The following PLXNB1 variants were observed in gnomAD, a reference collection of about 807,000 sequenced individuals.
The protein encoded by PLXNB1 is plexin-B1.
In PLXNB1, 106 loss-of-function variants were observed where a neutral mutation model predicts 209.4. The observed-to-expected ratio is 0.51, with a 90% CI of 0.43 to 0.59. The LOEUF (loss-of-function observed/expected upper bound fraction) is 0.59. PLXNB1 is among the 20% of genes least tolerant of loss of function. The pLI, the probability that PLXNB1 is intolerant of heterozygous loss-of-function variation, is 0.00. For missense variants in PLXNB1, 2,357 were observed against 2,853.2 expected, an observed-to-expected ratio of 0.83 and a Z score of 3.96; for synonymous variants, 1,167 against 1,183.2, an observed-to-expected ratio of 0.99 and a Z score of 0.28.
In PLXNB1 at chr3:48,420,252, C is replaced by G; in HGVS notation, c.2034G>C (p.Pro678=). Residue 678 remains proline (P), a synonymous_variant, in exon 11 of 38, where the codon CCG becomes CCC. Transcript: ENST00000296440. The part of the protein sequence containing the change: ...AGPMVASHQS[P]LVSPDPPARG... Reference sequence around the variant, plus strand: ...TTGCAGGAGGGTCTGGGGAGACAAGCGGGCTCTGAAGGGGGAGGCAGAGGA... The same window carrying G: ...TTGCAGGAGGGTCTGGGGAGACAAGGGGGCTCTGAAGGGGGAGGCAGAGGA... 1 of 1,540,410 alleles carries G rather than the reference C, an allele frequency of 6.5e-7. No individual in the cohort carries two copies. Among genetic ancestry groups the G allele is most frequent in the Non-Finnish European group, 8.8e-7 (1 of 1,142,374 alleles).
intron 10 of PLXNB1, 130 bp from the exon 11 acceptor site, chr3:48,420,387 A>G (rs2038428418): frequency 1.5e-6 from 1 of 659,248 alleles, no homozygotes; most frequent in Non-Finnish European, 2.6e-6. Context: ...CAGCCCATTA[A>G]TTCTCCACTG....
chr3:48,422,258 C>G, intron 5 of PLXNB1, 53 bp from the exon 6 acceptor site: 1 of 1,611,588 alleles, frequency 6.2e-7, no homozygotes, highest in East Asian at 2.2e-5. Flanking sequence ...AGTGGCTCAC[C>G]CACAAGTGGG....
chr3:48,418,796 C>A lies in PLXNB1; in HGVS notation c.2955+121G>T, dbSNP rs2038281374. The A allele has an allele frequency of 7.7e-7, 1 of 1,292,296 alleles. No homozygotes were observed. The highest frequency in any genetic ancestry group is 2.3e-5 in the East Asian group (1 of 43,144). The allele number at this position is 1,292,296 out of a possible 1,614,324, so 80.1% of individuals were successfully genotyped here. ...GAGGTCAGAAATGGGTGTGGAGACT[C>A]CCTCAGGGCGACACGGTCAGAGCGT... On this transcript the variant is annotated intron_variant, in intron 13 of 37. Coordinates refer to ENST00000296440, the MANE Select transcript of PLXNB1 (RefSeq NM_001130082.3). This position sits in a 1 kb window ranked among gnomAD's most constrained non-coding sequence, Gnocchi z 6.6.
rs3217706 is a variant in PLXNB1, at chr3:48,409,299, T to TCC, written c.6087+28_6087+29dup. 3.1e-6 allele frequency: 5 copies of TCC among 1,609,924 alleles called. No homozygotes were observed. The highest frequency in any genetic ancestry group is 8.5e-7 in the Non-Finnish European group (1 of 1,177,716). On this transcript the variant is annotated intron_variant, in intron 34 of 37. Transcript: ENST00000296440. This position sits in a 1 kb window ranked among gnomAD's most constrained non-coding sequence, Gnocchi z 5.8. ...ACACAGCACTGTCCACCCTCACCCA[T>TCC]CCCCCCGTGTCCATCCCAGACTCGC...
chr3:48,416,409 G>T lies in PLXNB1; in HGVS notation c.3417C>A (p.Gly1139=). ...TTCCCGGCACCTCCACCGCTGTGGC[G>T]CCGGCCACCTCCTCCCCACTGGCCC... ...ITGASGEEVA[G]ATAVEVPGRG... The change falls in exon 17 of 38, where the codon GGC becomes GGA. Residue 1139 remains glycine (G), a synonymous_variant. Transcript: ENST00000296440. The surrounding 1 kb of genome is among the most constrained non-coding windows in gnomAD (Gnocchi z 4.1). 1.2e-6 allele frequency: 2 copies of T among 1,613,140 alleles called. No homozygotes were observed. The highest frequency in any genetic ancestry group is 1.7e-6 in the Non-Finnish European group (2 of 1,179,892).
At position 48,413,195 on chromosome 3, in the gene PLXNB1, G is replaced by A; in HGVS notation, c.4536-26C>T. 6.4e-7 allele frequency: 1 copy of A among 1,559,882 alleles called. No individual in the cohort carries two copies. Among genetic ancestry groups the A allele is most frequent in the Non-Finnish European group, 8.8e-7 (1 of 1,137,360 alleles). On this transcript the variant is annotated intron_variant, in intron 23 of 37. Coordinates refer to ENST00000296440, the MANE Select transcript of PLXNB1 (RefSeq NM_001130082.3). The surrounding 1 kb of genome is among the most constrained non-coding windows in gnomAD (Gnocchi z 5.4). ...CTGCTCAGCCCCAGGGTCAGGAGAG[G>A]ATGGCCAGATGAGTCCTACTCGCCC...
At position 48,413,640 on chromosome 3, in the gene PLXNB1, C is replaced by A. The variant is rs2037853022; in HGVS notation, c.4535+30G>T. The A allele has an allele frequency of 3.2e-6, 5 of 1,585,232 alleles. No homozygotes were observed. Among genetic ancestry groups the A allele is most frequent in the Non-Finnish European group, 4.3e-6 (5 of 1,160,656 alleles). On this transcript the variant is annotated intron_variant, in intron 23 of 37. Coordinates refer to ENST00000296440, the MANE Select transcript of PLXNB1 (RefSeq NM_001130082.3). This position sits in a 1 kb window ranked among gnomAD's most constrained non-coding sequence, Gnocchi z 5.4. ...AGTCCAGCCAGATCCCACGACCTGC[C>A]CCAGCCCAGCCACATCTGGCTGCAC...
Position 48,413,515 on chromosome 3 carries a change from T to C in PLXNB1, c.4535+155A>G. 1 of 753,216 alleles carries C rather than the reference T, an allele frequency of 1.3e-6. No homozygotes were observed. Among genetic ancestry groups the C allele is most frequent in the Non-Finnish European group, 2.1e-6 (1 of 477,400 alleles). 46.7% of individuals were successfully genotyped at this position (753,216 alleles called of 1,614,324 possible). On this transcript the variant is annotated intron_variant, in intron 23 of 37. Coordinates refer to ENST00000296440, the MANE Select transcript of PLXNB1 (RefSeq NM_001130082.3). This position sits in a 1 kb window ranked among gnomAD's most constrained non-coding sequence, Gnocchi z 5.4. ...TTTGTGCCACAGTGGCAAAGCTGAG[T>C]TGTTGAACAGAGACCACTTGGCCTG...
chr3:48,422,583 A>T lies in PLXNB1; in HGVS notation c.1291-124T>A, dbSNP rs139663891. On this transcript the variant is annotated intron_variant, in intron 4 of 37. Coordinates refer to ENST00000296440, the MANE Select transcript of PLXNB1 (RefSeq NM_001130082.3). ...TTCCTCCTAGGCAGTCACAGGTCAT[A>T]CCAACTGGCCTAGCGGGGATGGAGG... The T allele has an allele frequency of 3.8e-6, 5 of 1,320,052 alleles. No homozygotes were observed. The East Asian group carries it at 7.6e-5, about 20-fold the overall frequency. 81.8% of individuals were successfully genotyped at this position (1,320,052 alleles called of 1,614,324 possible). A position where few individuals can be genotyped will look rare whatever the true frequency, so the allele number is the denominator to read the frequency against.
In PLXNB1 at chr3:48,417,315, G is replaced by A. The variant is rs1316503292; in HGVS notation, c.3374+596C>T. On this transcript the variant is annotated intron_variant, in intron 16 of 37. Transcript: ENST00000296440. The surrounding 1 kb of genome is among the most constrained non-coding windows in gnomAD (Gnocchi z 4.4). ...GCAGGTTACCCTGATATTCAGCCAC[G>A]TTTGGGCCCTGCTGCTTATGGACAT... is the stretch of plus-strand genomic sequence containing the variant. Among the ~76,000 whole-genome samples, 8 of 152,224 alleles carry A rather than the reference G, an allele frequency of 5.3e-5. No homozygotes were observed. Among genetic ancestry groups the A allele is most frequent in the Non-Finnish European group, 2.9e-5 (2 of 68,050 alleles).
Position 48,413,845 on chromosome 3 carries a change from G to A in PLXNB1, c.4387-27C>T. ...TGTGTCAGGAGCCACCTGTGAGCAA[G>A]GGTTTGGCCCAGGTCAATGCCCAGC... On this transcript the variant is annotated intron_variant, in intron 22 of 37. Coordinates refer to ENST00000296440, the MANE Select transcript of PLXNB1 (RefSeq NM_001130082.3). The surrounding 1 kb of genome is among the most constrained non-coding windows in gnomAD (Gnocchi z 5.4). The A allele has an allele frequency of 6.2e-7, 1 of 1,610,700 alleles. No homozygotes were observed.
At position 48,415,031 on chromosome 3, in the gene PLXNB1, G is replaced by A. The variant is rs149155498; in HGVS notation, c.3977C>T (p.Pro1326Leu). The A allele has an allele frequency of 1.2e-4, 189 of 1,612,840 alleles. 2 individuals are homozygous for A. In the African/African-American group the frequency reaches 2.2e-3, roughly 19 times the overall value. The change falls in exon 21 of 38, where the codon CCG becomes CTG. Residue 1326 changes from proline (P) to leucine (L), a missense_variant. This residue lies in a region of PLXNB1 where 743 missense variants were observed against 896.2 expected (regional missense o/e 0.83). Transcript: ENST00000296440. This position sits in a 1 kb window ranked among gnomAD's most constrained non-coding sequence, Gnocchi z 5.0. ...GAGCTGGGAGGAGTTGACATGGCAC[G>A]GCTCCTCAAACTGGAAGGAAGACAG... Reference protein sequence around the residue: ...PSCSSQQFEEPCHVNSSQLIT... With the variant: ...PSCSSQQFEELCHVNSSQLIT...
At position 48,424,054 on chromosome 3, in the gene PLXNB1, G is replaced by A. The variant is rs771827169; in HGVS notation, c.558C>T (p.Thr186=). Residue 186 remains threonine, a synonymous_variant, in exon 3 of 38, where the codon ACC becomes ACT. Coordinates refer to ENST00000296440, the MANE Select transcript of PLXNB1 (RefSeq NM_001130082.3). The stretch of plus-strand genomic sequence containing the variant: ...GGGGGTCGGGCGGCCACAGGGCCCG[G>A]GTTGTGATGGGTGGAATGCCACCCC... ...GVGGGIPPIT[T]RALWPPDPQA... is the part of the protein sequence containing the mutation. 2.5e-6 allele frequency: 4 copies of A among 1,589,122 alleles called. No individual in the cohort carries two copies. Among genetic ancestry groups the A allele is most frequent in the Admixed American group, 1.8e-5 (1 of 56,452 alleles).
At chr3:48,412,371 AC>A (rs946708277) in intron 26 of PLXNB1, 67 bp from the exon 27 acceptor site, 2 of 1,608,832 alleles carry the variant, frequency 1.2e-6, no homozygotes, top group Non-Finnish European at 1.7e-6. Context: ...TATCCTGCAG[AC>A]CCCCCAGCCC....
chr3:48,409,060 C>T lies in PLXNB1; in HGVS notation c.6087+269G>A, dbSNP rs1401078101. ...TGAGTCCTGACCAACTGGCCCTGGC[C>T]TACTGCCACGCCTGGCCAGCATTCT... On this transcript the variant is annotated intron_variant, in intron 34 of 37. Transcript: ENST00000296440. The surrounding 1 kb of genome is among the most constrained non-coding windows in gnomAD (Gnocchi z 5.8). Among the ~76,000 whole-genome samples, 4 of 152,234 alleles carry T rather than the reference C, an allele frequency of 2.6e-5. No homozygotes were observed. The highest frequency in any genetic ancestry group is 5.9e-5 in the Non-Finnish European group (4 of 68,034).
chr3:48,419,708 C>T lies in PLXNB1; in HGVS notation c.2578G>A (p.Ala860Thr), dbSNP rs374953457. 13 of 1,611,668 alleles carry T rather than the reference C, an allele frequency of 8.1e-6. No individual in the cohort carries two copies. The highest frequency in any genetic ancestry group is 6.7e-5 in the Admixed American group (4 of 59,884). Residue 860 changes from alanine to threonine, a missense_variant, in exon 11 of 38, where the codon GCA becomes ACA. Transcript: ENST00000296440. The surrounding 1 kb of genome is among the most constrained non-coding windows in gnomAD (Gnocchi z 5.7). ...PEADEWTGGD[A>T]PAFSTSTLLS... ...AGGGTGGAAGTGGAGAAGGCGGGTGCGTCACCCCCCGTCCACTCGTCCGCC... is the reference window on the plus strand; with the variant it reads ...AGGGTGGAAGTGGAGAAGGCGGGTGTGTCACCCCCCGTCCACTCGTCCGCC...
Position 48,416,144 on chromosome 3 carries a change from G to A in PLXNB1, c.3504C>T (p.Phe1168=), listed in dbSNP as rs2038080984. The part of the protein sequence containing the change: ...AYQDPKVHSI[F]PARGPRAGGT... ...CCCCAGCTCTGGGGCCGCGGGCCGG[G>A]AAGATGGAATGGACCTTCGGATCCT... is the stretch of plus-strand genomic sequence containing the variant. Residue 1168 remains phenylalanine (F), a synonymous_variant, in exon 18 of 38, where the codon TTC becomes TTT. Coordinates refer to ENST00000296440, the MANE Select transcript of PLXNB1 (RefSeq NM_001130082.3). This position sits in a 1 kb window ranked among gnomAD's most constrained non-coding sequence, Gnocchi z 4.1. 3 of 1,599,104 alleles carry A rather than the reference G, an allele frequency of 1.9e-6. No individual in the cohort carries two copies. Among genetic ancestry groups the A allele is most frequent in the East Asian group, 2.3e-5 (1 of 44,138 alleles).
rs1304326814 is a variant in PLXNB1 at position 48,423,971 on chromosome 3, T to A, written c.641A>T (p.Tyr214Phe). ...AAAGGCACTCACGAAGTGGTGGCTG[T>A]ACTCGGAGAGGCGGCCCACTGCCAG... is the stretch of plus-strand genomic sequence containing the variant. ...AKLAVGRLSE[Y>F]SHHFVSAFAR... Residue 214 changes from tyrosine to phenylalanine, a missense_variant, in exon 3 of 38, where the codon TAC becomes TTC. Coordinates refer to ENST00000296440, the MANE Select transcript of PLXNB1 (RefSeq NM_001130082.3). 6.2e-7 allele frequency: 1 copy of A among 1,613,880 alleles called. No individual in the cohort carries two copies. Among genetic ancestry groups the A allele is most frequent in the African/African-American group, 1.3e-5 (1 of 75,066 alleles).
At chr3:48,404,693 A>C (rs1296920320) in intron 37 of PLXNB1, 103 bp from the exon 38 acceptor site, 1 of 721,040 alleles carries the variant, frequency 1.4e-6, no homozygotes, top group East Asian at 2.8e-5. Flanking sequence ...GTGGGGTAGG[A>C]GGCCAAGAAA....
Sources: gnomAD v4.1 joint callset for allele counts (sites outside exome capture counted in the v4.1 genomes callset) on GRCh38, gnomAD v4.1.1 for gene constraint, gnomAD v4.1.1 regional missense constraint, Gnocchi (gnomAD v3.1) non-coding constraint, MANE v1.5 for transcripts, NCBI Gene and HGNC (gene_info 2026-07-23, HGNC 2026-07-21) for gene names.